MYRIP: variants seen among roughly 807,000 people sequenced by gnomAD.
MYRIP encodes the protein rab effector MyRIP.
MYRIP carries 49 observed loss-of-function variants against 98.0 expected under a neutral mutation model. The ratio of observed to expected loss-of-function variants is 0.50; its 90% CI spans 0.40 to 0.63. The LOEUF (loss-of-function observed/expected upper bound fraction) is 0.63, where lower values mean the gene tolerates loss of function less well. Ranked by LOEUF, MYRIP falls within the 30% of genes least tolerant of loss-of-function variation. MYRIP has a pLI of 0.00. For missense variants in MYRIP, 1,004 were observed against 1,058.2 expected (o/e 0.95, Z 0.71); for synonymous variants, 404 against 409.5 (o/e 0.99, Z 0.16).
chr3:40,029,643 A>G (rs1947214137), intron 2 of MYRIP, among the ~76,000 whole-genome samples: 1 of 152,206 alleles, frequency 6.6e-6, no homozygotes, highest in Admixed American at 6.5e-5. Flanking sequence ...AAATACTAAT[A>G]AAATGTAGGG....
rs555419996 is a variant in MYRIP, at chr3:39,906,046, G to A, written c.110+5120G>A. 1.4e-4 allele frequency among the ~76,000 whole-genome samples: 21 copies of A among 152,130 alleles called. 1 individual carries two copies. The Middle Eastern group carries it at 0.017, about 123-fold the overall frequency. On this transcript the variant is annotated intron_variant, in intron 2 of 16. Transcript: ENST00000302541. ...TCCCGGTGTGCAGCATATGTGCAGA[G>A]CATGCTTTGGGGTCAAACAGATATG...
At chr3:39,813,161 C>T (rs943455869) in intron 1 of MYRIP, among the ~76,000 whole-genome samples, 5 of 152,210 alleles carry the variant, frequency 3.3e-5, no homozygotes, top group African/African-American at 4.8e-5. Flanking sequence ...TATCTCTTTT[C>T]ACAGAGCCCT....
chr3:39,975,263 A>G (rs1945716969), intron 2 of MYRIP, among the ~76,000 whole-genome samples: 2 of 151,962 alleles, frequency 1.3e-5, no homozygotes, highest in African/African-American at 4.9e-5. Context: ...ACAGACAAAC[A>G]GAGAGCCAAA....
At chr3:40,182,740 A>C (rs140828061) in intron 9 of MYRIP, among the ~76,000 whole-genome samples, 299 of 152,276 alleles carry the variant, frequency 2.0e-3, no homozygotes, top group African/African-American at 6.8e-3. Context: ...AATGTGTCTT[A>C]TGTGGGCCAG....
intron 1 of MYRIP, among the ~76,000 whole-genome samples, chr3:39,841,500 C>T (rs1308654429): frequency 2.0e-5 from 3 of 151,986 alleles, no homozygotes; most frequent in East Asian, 1.9e-4. Context: ...CCCTTGCTGG[C>T]GAGGAGTTGT....
intron 8 of MYRIP, chr3:40,174,379 A>T (rs929897969): frequency 2.0e-5 from 3 of 152,240 alleles, no homozygotes; most frequent in Non-Finnish European, 4.4e-5. Flanking sequence ...TTTTGTCAAC[A>T]ATATCAGGAA....
intron 3 of MYRIP, among the ~76,000 whole-genome samples, chr3:40,065,818 C>T (rs928753005): frequency 6.6e-6 from 1 of 152,092 alleles, no homozygotes; most frequent in African/African-American, 2.4e-5. Context: ...AGGATCTGGT[C>T]TTCTTTATCT....
intron 2 of MYRIP, among the ~76,000 whole-genome samples, chr3:40,042,969 G>A (rs1947575546): frequency 1.3e-5 from 2 of 152,184 alleles, no homozygotes; most frequent in African/African-American, 4.8e-5. Flanking sequence ...TCTCCCTCAT[G>A]ACCTCATGGC....
At chr3:40,102,308 C>G (rs944418868) in intron 3 of MYRIP, among the ~76,000 whole-genome samples, 9 of 152,206 alleles carry the variant, frequency 5.9e-5, no homozygotes, top group Admixed American at 5.2e-4. Flanking sequence ...CCTGCATTCT[C>G]ACTTCCAAAG....
chr3:40,214,183 T>C (rs1259630645), intron 11 of MYRIP, among the ~76,000 whole-genome samples: 2 of 152,162 alleles, frequency 1.3e-5, no homozygotes, highest in Non-Finnish European at 2.9e-5. Context: ...AATACTTACT[T>C]TGGTATTGTG....
At chr3:40,135,533 C>A (rs539803410) in intron 3 of MYRIP, among the ~76,000 whole-genome samples, 26 of 152,196 alleles carry the variant, frequency 1.7e-4, no homozygotes, top group African/African-American at 6.0e-4. Context: ...ATACAGAGAA[C>A]GCCATAAAGA....
chr3:40,100,116 GC>G (rs1948917170), intron 3 of MYRIP: 9 of 985,288 alleles, frequency 9.1e-6, no homozygotes, highest in Non-Finnish European at 1.1e-5. Flanking sequence ...CTCTGTCTGG[GC>G]TTTTCTGGCC....
At chr3:40,010,474 G>A (rs1246381513) in intron 2 of MYRIP, among the ~76,000 whole-genome samples, 1 of 152,144 alleles carries the variant, frequency 6.6e-6, no homozygotes, top group East Asian at 1.9e-4. Context: ...CCTGTGAAAT[G>A]AGAGTTCTTT....
At chr3:40,222,767 A>T (rs1952374387) in intron 11 of MYRIP, among the ~76,000 whole-genome samples, 1 of 152,222 alleles carries the variant, frequency 6.6e-6, no homozygotes, top group Non-Finnish European at 1.5e-5. Flanking sequence ...CATTTACCTG[A>T]TGTATAAAGA....
At chr3:40,145,679 C>T (rs905593364) in intron 3 of MYRIP, among the ~76,000 whole-genome samples, 2 of 152,216 alleles carry the variant, frequency 1.3e-5, no homozygotes, top group African/African-American at 4.8e-5. Context: ...GGCTGCTTTA[C>T]GTCTAGGATC....
At chr3:40,129,096 T>G (rs986165439) in intron 3 of MYRIP, among the ~76,000 whole-genome samples, 7 of 151,888 alleles carry the variant, frequency 4.6e-5, no homozygotes, top group Non-Finnish European at 7.4e-5. Flanking sequence ...AGTTAACTAC[T>G]CTGTCTCTTG....
chr3:39,983,175 G>A (rs867976076), intron 2 of MYRIP, among the ~76,000 whole-genome samples: 39 of 152,118 alleles, frequency 2.6e-4, no homozygotes, highest in East Asian at 7.7e-4. Flanking sequence ...ATTACATTTC[G>A]GCCTTTCTGT....
intron 2 of MYRIP, among the ~76,000 whole-genome samples, chr3:39,946,817 A>G (rs1243237889): frequency 2.6e-5 from 4 of 152,164 alleles, no homozygotes; most frequent in Non-Finnish European, 5.9e-5. Context: ...GGGATAGTCA[A>G]TTCAGTGGCA....
intron 3 of MYRIP, among the ~76,000 whole-genome samples, chr3:40,094,010 T>A (rs1575532451): frequency 6.6e-6 from 1 of 152,252 alleles, no homozygotes; most frequent in East Asian, 1.9e-4. Flanking sequence ...ACAAGGCCTT[T>A]GCACGTGCTA....
Sources: allele counts gnomAD v4.1 joint callset (sites outside exome capture counted in the v4.1 genomes callset), GRCh38; gene constraint gnomAD v4.1.1; transcripts MANE v1.5; gene names NCBI Gene and HGNC (gene_info 2026-07-23, HGNC 2026-07-21).